The following ADAM17 variants were observed in gnomAD, a reference collection of about 807,000 sequenced individuals.
ADAM17 encodes the protein disintegrin and metalloproteinase domain-containing protein 17.
ADAM17 carries 39 observed loss-of-function variants against 96.7 expected under a neutral mutation model. The observed-to-expected ratio is 0.40, with a 90% CI of 0.31 to 0.53. ADAM17 has a LOEUF of 0.53. ADAM17 is among the 20% of genes least tolerant of loss of function. ADAM17 has a pLI of 0.44. For missense variants in ADAM17, 777 were observed against 1,013.2 expected (o/e 0.77, Z 3.17); for synonymous variants, 344 against 359.2 (o/e 0.96, Z 0.48).
rs1572968328 is a variant in ADAM17, at chr2:9,555,744, T to G, written c.-139A>C. On this transcript the variant is annotated 5_prime_UTR_variant, in exon 1 of 19. Transcript: ENST00000310823. ...CTCTTTTCCCTCCCGCGCCGCCTACTGGGAAGATTCTACCGCCAGGCTCGA... is the reference window on the plus strand; with the variant it reads ...CTCTTTTCCCTCCCGCGCCGCCTACGGGGAAGATTCTACCGCCAGGCTCGA... 1.5e-6 allele frequency: 1 copy of G among 667,738 alleles called. No homozygotes were observed. Among genetic ancestry groups the G allele is most frequent in the South Asian group, 3.2e-5 (1 of 31,342 alleles). The allele number at this position is 667,738 out of a possible 1,614,324, so 41.4% of individuals were successfully genotyped here.
At chr2:9,529,705 T>G (rs1437155634) in intron 4 of ADAM17, among the ~76,000 whole-genome samples, 2 of 152,146 alleles carry the variant, frequency 1.3e-5, no homozygotes, top group African/African-American at 4.8e-5. Context: ...GCGCGATGGC[T>G]CACGCCTGTA....
rs1662004400 is a variant in ADAM17 at position 9,490,186 on chromosome 2, T to C, written c.2466A>G (p.Thr822=). The change falls in exon 19 of 19, where the codon ACA becomes ACG. Residue 822 remains threonine, a synonymous_variant. Coordinates refer to ENST00000310823, the MANE Select transcript of ADAM17 (RefSeq NM_003183.6). The part of the protein sequence containing the change: ...QRQNRVDSKE[T]EC ...AGAGCTGAGAACTAAATTAGCACTCTGTTTCTTTGCTGTCAACACGATTCT... is the reference window on the plus strand; with the variant it reads ...AGAGCTGAGAACTAAATTAGCACTCCGTTTCTTTGCTGTCAACACGATTCT... 3 of 1,593,130 alleles carry C rather than the reference T, an allele frequency of 1.9e-6. No homozygotes were observed. The highest frequency in any genetic ancestry group is 1.3e-5 in the African/African-American group (1 of 74,518).
In ADAM17 at chr2:9,549,639, G is replaced by A. The variant is rs955409132; in HGVS notation, c.97+5870C>T. Among the ~76,000 whole-genome samples the A allele has an allele frequency of 7.2e-5, 11 of 151,938 alleles. No homozygotes were observed. The South Asian group carries it at 1.5e-3, about 20-fold the overall frequency. On this transcript the variant is annotated intron_variant, in intron 1 of 18. Transcript: ENST00000310823. ...ACCTCCTGGGCATGAGCAATCCTCC[G>A]GGTGGCTGGGACCACAGGCACATGC... is the stretch of plus-strand genomic sequence containing the variant.
intron 13 of ADAM17, among the ~76,000 whole-genome samples, chr2:9,500,125 CA>C (rs1662912499): frequency 6.6e-6 from 1 of 152,126 alleles, no homozygotes; most frequent in East Asian, 1.9e-4. Context: ...TTTGTTATAG[CA>C]AAAAAGTGGA....
At chr2:9,498,252 A>C (rs13028684) in intron 13 of ADAM17, among the ~76,000 whole-genome samples, 88,412 of 151,966 alleles carry the variant, frequency 0.58, 27,066 homozygotes, top group African/African-American at 0.71. Context: ...ATGCTGGTGT[A>C]AAACTGCTGG....
rs769256744 is a variant in ADAM17 at position 9,506,359 on chromosome 2, G to GTT, written c.1345-996_1345-995dup. Among the ~76,000 whole-genome samples the GTT allele has an allele frequency of 3.2e-3, 235 of 73,230 alleles. 12 individuals are homozygous for GTT. The highest frequency in any genetic ancestry group is 6.7e-3 in the African/African-American group (118 of 17,650). The allele number at this position is 73,230 out of a possible 152,430, so 48.0% of individuals were successfully genotyped here. ...CTTTTTAAAAAACATCTTCAAATCT[G>GTT]TTTTTTTTTTTTTTTTTTTTTTTTT... On this transcript the variant is annotated intron_variant, in intron 11 of 18. Coordinates refer to ENST00000310823, the MANE Select transcript of ADAM17 (RefSeq NM_003183.6).
chr2:9,498,709 T>A lies in ADAM17; in HGVS notation c.1649-1461A>T, dbSNP rs188797705. On this transcript the variant is annotated intron_variant, in intron 13 of 18. Coordinates refer to ENST00000310823, the MANE Select transcript of ADAM17 (RefSeq NM_003183.6). ...GGGCATTCATCATGTCAACAGTCATTTAACAAACTATTACTGAAAGTATGA... is the reference window on the plus strand; with the variant it reads ...GGGCATTCATCATGTCAACAGTCATATAACAAACTATTACTGAAAGTATGA... 1.2e-3 allele frequency among the ~76,000 whole-genome samples: 178 copies of A among 152,316 alleles called. 2 individuals are homozygous for A. The highest frequency in any genetic ancestry group is 4.1e-3 in the African/African-American group (169 of 41,562).
At chr2:9,511,648 T>A (rs962627116) in intron 10 of ADAM17, among the ~76,000 whole-genome samples, 16 of 152,164 alleles carry the variant, frequency 1.1e-4, no homozygotes, top group Non-Finnish European at 2.1e-4. Flanking sequence ...AAAGCTAAAA[T>A]TTTTTTTCCA....
intron 4 of ADAM17, among the ~76,000 whole-genome samples, chr2:9,531,510 T>C (rs1664738495): frequency 1.3e-5 from 2 of 151,794 alleles, no homozygotes; most frequent in African/African-American, 4.8e-5. Context: ...AAGACCAGCC[T>C]GGCCAACGTG....
At chr2:9,533,054 T>G (rs1664813221) in intron 4 of ADAM17, among the ~76,000 whole-genome samples, 1 of 151,764 alleles carries the variant, frequency 6.6e-6, no homozygotes. Context: ...CGGGGCATGG[T>G]GGCACACGCC....
intron 7 of ADAM17, among the ~76,000 whole-genome samples, chr2:9,522,878 C>T (rs2125022976): frequency 6.6e-6 from 1 of 152,190 alleles, no homozygotes; most frequent in Non-Finnish European, 1.5e-5. Context: ...TGCAAAGGTA[C>T]ACAGTATTTT....
intron 6 of ADAM17, among the ~76,000 whole-genome samples, chr2:9,523,999 T>A (rs1220002178): frequency 6.6e-6 from 1 of 151,572 alleles, no homozygotes; most frequent in African/African-American, 2.4e-5. Flanking sequence ...CTCAGCCTCC[T>A]GAGTAACAGA....
intron 4 of ADAM17, among the ~76,000 whole-genome samples, chr2:9,530,236 A>T (rs1192924501): frequency 1.3e-5 from 2 of 151,828 alleles, no homozygotes; most frequent in African/African-American, 2.4e-5. Context: ...TAGGAGTGAA[A>T]TTTTTTTTCT....
chr2:9,523,396 T>C (rs1224096939), intron 6 of ADAM17, 58 bp from the exon 7 acceptor site: 2 of 1,405,872 alleles, frequency 1.4e-6, no homozygotes, highest in Admixed American at 1.9e-5. Flanking sequence ...CTCCTGGCAA[T>C]GCAATATAAA....
In ADAM17 at chr2:9,543,220, C is replaced by A. The variant is rs752745494; in HGVS notation, c.163G>T (p.Val55Leu). Residue 55 changes from valine (V) to leucine (L), a missense_variant, in exon 2 of 19, where the codon GTA becomes TTA. Around this residue, in one of 3 missense-constraint regions of ADAM17, gnomAD observed 134 missense variants for 129.1 expected, o/e 1.04. Transcript: ENST00000310823. ...LSLSNIQQHSVRKRDLQTSTH... is the reference protein window; with the variant it reads ...LSLSNIQQHSLRKRDLQTSTH... ...GAAGTCTGTAGATCTCTTTTTCTTA[C>A]CGAATGCTGCTGGATATTAGATAAA... 52 of 1,609,570 alleles carry A rather than the reference C, an allele frequency of 3.2e-5. No individual in the cohort carries two copies. Among genetic ancestry groups the A allele is most frequent in the Non-Finnish European group, 4.4e-5 (52 of 1,177,798 alleles).
chr2:9,492,831 G>T, intron 17 of ADAM17, 67 bp downstream of exon 17: 1 of 1,372,754 alleles, frequency 7.3e-7, no homozygotes, highest in South Asian at 1.4e-5. Context: ...CTTTTCCAGA[G>T]ATTACATGGT....
At chr2:9,539,211 C>T (rs1292473046) in intron 2 of ADAM17, among the ~76,000 whole-genome samples, 1 of 151,916 alleles carries the variant, frequency 6.6e-6, no homozygotes, top group Non-Finnish European at 1.5e-5. Flanking sequence ...GGGTTCACGC[C>T]ATTCCCCTGC....
chr2:9,507,172 A>C (rs1220773633), intron 11 of ADAM17, among the ~76,000 whole-genome samples: 1 of 152,154 alleles, frequency 6.6e-6, no homozygotes, highest in Non-Finnish European at 1.5e-5. Context: ...TTCATCAGTT[A>C]AAAATATTTT....
chr2:9,495,927 T>C (rs1396804825), intron 14 of ADAM17, among the ~76,000 whole-genome samples: 4 of 150,446 alleles, frequency 2.7e-5, no homozygotes, highest in Admixed American at 2.7e-4. Flanking sequence ...AAACAACTCC[T>C]GAGCTCAAGT....
Sources: gnomAD v4.1 joint callset for allele counts (sites outside exome capture counted in the v4.1 genomes callset) on GRCh38, gnomAD v4.1.1 for gene constraint, gnomAD v4.1.1 regional missense constraint, MANE v1.5 for transcripts, NCBI Gene and HGNC (gene_info 2026-07-23, HGNC 2026-07-21) for gene names.